The following SIAH3 variants were observed in gnomAD, a reference collection of about 807,000 sequenced individuals.
SIAH3 encodes siah E3 ubiquitin protein ligase family member 3.
A neutral mutation model predicts 12.6 loss-of-function variants in SIAH3; 9 were observed. The observed-to-expected ratio is 0.72, with a 90% CI of 0.43 to 1.25. SIAH3 has a LOEUF of 1.25. SIAH3 is among the 50% of genes most tolerant of loss of function. SIAH3 has a pLI of 0.00. For synonymous variants in SIAH3, 154 were observed against 151.1 expected, an observed-to-expected ratio of 1.02 and a Z score of -0.14; for missense variants, 390 against 365.4, an observed-to-expected ratio of 1.07 and a Z score of -0.55.
intron 1 of SIAH3, among the ~76,000 whole-genome samples, chr13:45,786,862 T>G (rs770316326): frequency 6.6e-6 from 1 of 152,188 alleles, no homozygotes; most frequent in African/African-American, 2.4e-5. Flanking sequence ...TGAGGACAGA[T>G]AGAATGTCCT....
intron 1 of SIAH3, among the ~76,000 whole-genome samples, chr13:45,786,065 C>G (rs1353158090): frequency 6.6e-6 from 1 of 152,160 alleles, no homozygotes; most frequent in African/African-American, 2.4e-5. Flanking sequence ...AAAAATCTGG[C>G]TTTGTCCCCA....
At chr13:45,791,492 T>C (rs777308754) in intron 1 of SIAH3, among the ~76,000 whole-genome samples, 3 of 152,140 alleles carry the variant, frequency 2.0e-5, no homozygotes, top group Non-Finnish European at 2.9e-5. Flanking sequence ...TCAGGTGCTA[T>C]AGAAATATGG....
Position 45,783,297 on chromosome 13 carries a change from A to G in SIAH3, c.*86T>C. The G allele has an allele frequency of 1.1e-6, 1 of 947,382 alleles. No homozygotes were observed. Among genetic ancestry groups the G allele is most frequent in the South Asian group, 3.0e-5 (1 of 33,288 alleles). 58.7% of individuals were successfully genotyped at this position (947,382 alleles called of 1,614,324 possible). ...AAAAAAAAAAAAAGAAAGGAGAAGA[A>G]TAAAAAGGAGTCTGGAGTCCTGGTA... On this transcript the variant is annotated 3_prime_UTR_variant, in exon 2 of 2. Coordinates refer to ENST00000400405, the MANE Select transcript of SIAH3 (RefSeq NM_198849.3).
intron 1 of SIAH3, among the ~76,000 whole-genome samples, chr13:45,826,365 A>ATGGTTGGGTAGG (rs1593384808): frequency 4.4e-4 from 2 of 4,584 alleles, no homozygotes; most frequent in African/African-American, 1.7e-3. Flanking sequence ...GGATGGATGG[A>ATGGTTGGGTAGG]TGGATGGATG....
chr13:45,839,037 G>T (rs1194345464), intron 1 of SIAH3, among the ~76,000 whole-genome samples: 1 of 151,996 alleles, frequency 6.6e-6, no homozygotes, highest in Non-Finnish European at 1.5e-5. Flanking sequence ...GTAGGAAATG[G>T]TCATTAAAAT....
At chr13:45,850,232 A>T (rs1399616793) in intron 1 of SIAH3, among the ~76,000 whole-genome samples, 1 of 152,092 alleles carries the variant, frequency 6.6e-6, no homozygotes, top group Non-Finnish European at 1.5e-5. Flanking sequence ...ATGTAACCCC[A>T]GCAGCTCCAG....
intron 1 of SIAH3, among the ~76,000 whole-genome samples, chr13:45,794,927 G>C (rs75765385): frequency 0.026 from 3,941 of 149,126 alleles, 174 homozygotes; most frequent in African/African-American, 0.093. Flanking sequence ...TTCCCTTAAG[G>C]CCTTCTAGCA....
rs1418202474 is a variant in SIAH3 at position 45,817,981 on chromosome 13, C to T, written c.135+33514G>A. Among the ~76,000 whole-genome samples the T allele has an allele frequency of 2.6e-5, 4 of 152,282 alleles. No individual in the cohort carries two copies. In the East Asian group the frequency reaches 7.7e-4, roughly 29 times the overall value. On this transcript the variant is annotated intron_variant, in intron 1 of 1. Transcript: ENST00000400405. ...TACAGTAGAGGCCCAGCCTGCATCC[C>T]TTTTGTATTCACTGATGCCTTCCTA...
intron 1 of SIAH3, among the ~76,000 whole-genome samples, chr13:45,795,611 C>T (rs948323440): frequency 6.6e-6 from 1 of 152,290 alleles, no homozygotes; most frequent in South Asian, 2.1e-4. Flanking sequence ...TGACACTTTG[C>T]ACCCCTTCAT....
Position 45,783,132 on chromosome 13 carries a change from AAAC to A in SIAH3, c.*248_*250del. ...GAATAAATCTTACAAACATTCTATA[AAAC>A]AACACCAACAAGGCAGGACAAACAT... On this transcript the variant is annotated 3_prime_UTR_variant, in exon 2 of 2. Transcript: ENST00000400405. 1 of 275,608 alleles carries A rather than the reference AAAC, an allele frequency of 3.6e-6. No individual in the cohort carries two copies. The highest frequency in any genetic ancestry group is 6.6e-6 in the Non-Finnish European group (1 of 150,552). 17.1% of individuals were successfully genotyped at this position (275,608 alleles called of 1,614,324 possible). A position where few individuals can be genotyped will look rare whatever the true frequency, so the allele number is the denominator to read the frequency against.
chr13:45,784,275 T>C (rs1950518265), intron 1 of SIAH3, among the ~76,000 whole-genome samples: 1 of 151,956 alleles, frequency 6.6e-6, no homozygotes, highest in African/African-American at 2.4e-5. Flanking sequence ...GAAAAGTCAG[T>C]CCAAGAAAAT....
intron 1 of SIAH3, among the ~76,000 whole-genome samples, chr13:45,839,138 C>G (rs1246081192): frequency 6.6e-6 from 1 of 151,948 alleles, no homozygotes; most frequent in East Asian, 1.9e-4. Context: ...GCCTGTGGAT[C>G]TCTTAGAGAA....
At chr13:45,851,464 C>T in intron 1 of SIAH3, 31 bp downstream of exon 1, 1 of 1,612,428 alleles carries the variant, frequency 6.2e-7, no homozygotes. Context: ...GAACCTGAGC[C>T]CGGTGAAGGT....
intron 1 of SIAH3, among the ~76,000 whole-genome samples, chr13:45,823,927 T>TA (rs1357115712): frequency 2.0e-5 from 3 of 152,200 alleles, no homozygotes; most frequent in South Asian, 2.1e-4. Context: ...ACTGTATTTT[T>TA]AAAAAAATAT....
chr13:45,818,099 C>G (rs969348087), intron 1 of SIAH3, among the ~76,000 whole-genome samples: 2 of 152,178 alleles, frequency 1.3e-5, no homozygotes, highest in African/African-American at 4.8e-5. Flanking sequence ...TCCTCTGGAG[C>G]AGGACAACTC....
chr13:45,808,505 T>C (rs112741217), intron 1 of SIAH3, among the ~76,000 whole-genome samples: 2 of 152,340 alleles, frequency 1.3e-5, no homozygotes, highest in African/African-American at 4.8e-5. Flanking sequence ...GCCAACATAG[T>C]CTAATTTTGT....
chr13:45,848,846 C>T (rs1950769410), intron 1 of SIAH3, among the ~76,000 whole-genome samples: 1 of 152,168 alleles, frequency 6.6e-6, no homozygotes, highest in Non-Finnish European at 1.5e-5. Context: ...CACGGCAGAT[C>T]AATAGCTATT....
intron 1 of SIAH3, among the ~76,000 whole-genome samples, chr13:45,833,535 G>T (rs1445457914): frequency 6.6e-6 from 1 of 152,100 alleles, no homozygotes; most frequent in African/African-American, 2.4e-5. Context: ...ACAAGGCAGG[G>T]CTAAGCACAC....
At chr13:45,842,959 T>C (rs1950745379) in intron 1 of SIAH3, among the ~76,000 whole-genome samples, 1 of 151,966 alleles carries the variant, frequency 6.6e-6, no homozygotes, top group Admixed American at 6.6e-5. Context: ...CATCCTGTGA[T>C]CTTCTATTCA....
Sources: allele counts gnomAD v4.1 joint callset (sites outside exome capture counted in the v4.1 genomes callset), GRCh38; gene constraint gnomAD v4.1.1; transcripts MANE v1.5; gene names NCBI Gene and HGNC (gene_info 2026-07-23, HGNC 2026-07-21).